The following MSH6 variants were observed in gnomAD, a reference collection of about 807,000 sequenced individuals.
MSH6 encodes the protein mutS homolog 6.
A neutral mutation model predicts 119.1 loss-of-function variants in MSH6; 85 were observed. That is an observed-to-expected ratio of 0.71 (90% CI 0.60 to 0.85). MSH6 has a LOEUF of 0.85. Ranked by LOEUF, MSH6 falls within the 40% of genes least tolerant of loss-of-function variation. MSH6 has a pLI of 0.00. For synonymous variants in MSH6, 830 were observed against 586.9 expected (o/e 1.41, Z -5.99); for missense variants, 2,163 against 1,655.3 (o/e 1.31, Z -5.32).
chr2:47,787,227 T>C (rs1668400734), intron 1 of MSH6, among the ~76,000 whole-genome samples: 1 of 152,124 alleles, frequency 6.6e-6, no homozygotes, highest in Non-Finnish European at 1.5e-5. Flanking sequence ...AGGTTGAGGC[T>C]GCAGTAAGCC....
At chr2:47,786,648 C>G (rs1668369892) in intron 1 of MSH6, among the ~76,000 whole-genome samples, 2 of 152,084 alleles carry the variant, frequency 1.3e-5, no homozygotes, top group South Asian at 2.1e-4. Flanking sequence ...GCCACCGTGT[C>G]TGTCCGAGCA....
intron 7 of MSH6, among the ~76,000 whole-genome samples, chr2:47,805,952 G>C (rs1159442992): frequency 2.6e-5 from 4 of 152,096 alleles, no homozygotes; most frequent in African/African-American, 9.7e-5. Flanking sequence ...TTATACTACG[G>C]GGATGAGAAC....
chr2:47,806,064 A>G (rs1283511755), intron 7 of MSH6, 140 bp from the exon 8 acceptor site: 2 of 837,020 alleles, frequency 2.4e-6, no homozygotes. Context: ...TCGTGTAGCT[A>G]AACAAGGCCT....
chr2:47,784,130 CCACGAGCTGCGAGCGCGGGGGGGTGTGT>C (rs1668199210), intron 1 of MSH6: 1 of 1,004,784 alleles, frequency 1.0e-6, no homozygotes, highest in Non-Finnish European at 1.2e-6. Flanking sequence ...AGGGGGTGGG[CCACGAGCTGCGAGCGCGGGGGGGTGTGT>C]CACCATGGGG....
rs571690662 is a variant in MSH6, at chr2:47,788,662, C to T, written c.261-2265C>T. Among the ~76,000 whole-genome samples the T allele has an allele frequency of 1.2e-4, 18 of 148,408 alleles. No individual in the cohort carries two copies. The South Asian group carries it at 3.6e-3, about 30-fold the overall frequency. On this transcript the variant is annotated intron_variant, in intron 1 of 9. Transcript: ENST00000234420. ...TGGGCTCACTGCAACCTCCACCTCC[C>T]GGGTTCAAGGGAGTCTCCTGCTTCA...
chr2:47,802,315 T>C (rs1332605433), intron 4 of MSH6, among the ~76,000 whole-genome samples: 2 of 152,166 alleles, frequency 1.3e-5, no homozygotes, highest in Non-Finnish European at 1.5e-5. Context: ...TGCTGTTTTA[T>C]AGTTTAGGTT....
At position 47,806,816 on chromosome 2, in the gene MSH6, G is replaced by T; in HGVS notation, c.4039G>T (p.Ala1347Ser). Reference protein sequence around the residue: ...CLASERSTVDAEAVHKLLTLI... With the variant: ...CLASERSTVDSEAVHKLLTLI... ...GGCTAGTGAAAGGTCAACTGTAGAT[G>T]CTGAAGCTGTCCATAAATTGCTGAC... The change falls in exon 10 of 10, where the codon GCT (alanine) becomes TCT (serine). Residue 1347 changes from alanine to serine, a missense_variant. By Grantham distance (99) the Ala-to-Ser change is moderately conservative. Coordinates refer to ENST00000234420, the MANE Select transcript of MSH6 (RefSeq NM_000179.3). The T allele has an allele frequency of 1.9e-6, 3 of 1,609,366 alleles. No homozygotes were observed. The highest frequency in any genetic ancestry group is 2.5e-6 in the Non-Finnish European group (3 of 1,178,582).
downstream of MSH6, chr2:47,809,106 A>T: frequency 8.4e-7 from 1 of 1,197,148 alleles, no homozygotes; most frequent in Non-Finnish European, 1.2e-6. Context: ...TGCTAATTTA[A>T]AAAGGAAATC....
Position 47,801,011 on chromosome 2 carries a change from A to T in MSH6, c.3028A>T (p.Thr1010Ser), listed in dbSNP as rs1553414407. The T allele has an allele frequency of 6.4e-7, 1 of 1,571,410 alleles. No individual in the cohort carries two copies. Among genetic ancestry groups the T allele is most frequent in the Non-Finnish European group, 8.6e-7 (1 of 1,160,446 alleles). Residue 1010 changes from threonine to serine, a missense_variant, in exon 4 of 10, where the codon ACT becomes TCT. Transcript: ENST00000234420. ...KKGCKRYWTKTIEKKLANLIN... is the reference protein window; with the variant it reads ...KKGCKRYWTKSIEKKLANLIN... Reference sequence around the variant, plus strand: ...GGGCTGTAAACGATACTGGACCAAAACTATTGAAAAGAAGTTGGCTAATCT... The same window carrying T: ...GGGCTGTAAACGATACTGGACCAAATCTATTGAAAAGAAGTTGGCTAATCT...
At chr2:47,808,662 C>A (rs557610849), downstream of MSH6, 63 of 412,122 alleles carry the variant, frequency 1.5e-4, no homozygotes, top group Non-Finnish European at 2.4e-4. Flanking sequence ...GCAGTTCTTT[C>A]CACTTTAAAA....
intron 5 of MSH6, 117 bp from the exon 6 acceptor site, chr2:47,804,793 T>A: frequency 1.2e-6 from 1 of 801,900 alleles, no homozygotes; most frequent in Non-Finnish European, 2.2e-6. Context: ...AACGTACATG[T>A]GATTGTGAAA....
intron 1 of MSH6, among the ~76,000 whole-genome samples, chr2:47,787,555 A>G (rs1057060160): frequency 6.6e-6 from 1 of 152,080 alleles, no homozygotes. Flanking sequence ...GACATTTAAG[A>G]CTCACTTAAA....
chr2:47,794,752 T>C (rs1233736418), intron 2 of MSH6, among the ~76,000 whole-genome samples: 1 of 152,150 alleles, frequency 6.6e-6, no homozygotes, highest in Admixed American at 6.6e-5. Context: ...ATATTTAATA[T>C]CATAGCTGCA....
Position 47,799,432 on chromosome 2 carries a change from G to T in MSH6, c.1449G>T (p.Val483=), listed in dbSNP as rs35590297. The change falls in exon 4 of 10, where the codon GTG becomes GTT. Residue 483 remains valine (V), a synonymous_variant. Coordinates refer to ENST00000234420, the MANE Select transcript of MSH6 (RefSeq NM_000179.3). ...AGAAGGGCTATAAAGTAGCACGAGT[G>T]GAACAGACTGAGACTCCAGAAATGA... ...LVQKGYKVAR[V]EQTETPEMME... 680 of 1,614,142 alleles carry T rather than the reference G, an allele frequency of 4.2e-4. No homozygotes were observed. The highest frequency in any genetic ancestry group is 5.4e-4 in the Non-Finnish European group (632 of 1,180,026).
chr2:47,803,834 A>C, intron 5 of MSH6, 149 bp downstream of exon 5: 2 of 829,214 alleles, frequency 2.4e-6, no homozygotes, highest in South Asian at 3.3e-5. Context: ...GTGTTATAAA[A>C]TTGAGAATTA....
At chr2:47,805,515 A>G in intron 6 of MSH6, 103 bp from the exon 7 acceptor site, 1 of 837,600 alleles carries the variant, frequency 1.2e-6, no homozygotes, top group Non-Finnish European at 2.1e-6. Flanking sequence ...TTAATCTTTT[A>G]TACCAATATG....
chr2:47,804,814 A>T, intron 5 of MSH6, 96 bp from the exon 6 acceptor site: 1 of 899,638 alleles, frequency 1.1e-6, no homozygotes, highest in Non-Finnish European at 1.9e-6. Flanking sequence ...GTTGTTTTAG[A>T]GTGCCTAGCT....
chr2:47,790,975 C>T lies in MSH6; in HGVS notation c.309C>T (p.Tyr103=), dbSNP rs1553410230. The T allele has an allele frequency of 6.2e-7, 1 of 1,614,210 alleles. No homozygotes were observed. Residue 103 remains tyrosine (Y), a synonymous_variant, in exon 2 of 10, where the codon TAC becomes TAT. Transcript: ENST00000234420. ...TGGTTTGGGCCAAGATGGAGGGTTACCCCTGGTGGCCTTGTCTGGTTTACA... is the reference window on the plus strand; with the variant it reads ...TGGTTTGGGCCAAGATGGAGGGTTATCCCTGGTGGCCTTGTCTGGTTTACA... ...GDLVWAKMEG[Y]PWWPCLVYNH... is the part of the protein sequence containing the mutation.
intron 1 of MSH6, among the ~76,000 whole-genome samples, chr2:47,790,171 C>A (rs569776659): frequency 6.6e-6 from 1 of 152,142 alleles, no homozygotes; most frequent in Non-Finnish European, 1.5e-5. Flanking sequence ...CCTGTAATCC[C>A]AGCACTTTGA....
Sources: allele counts gnomAD v4.1 joint callset (sites outside exome capture counted in the v4.1 genomes callset), GRCh38; gene constraint gnomAD v4.1.1; transcripts MANE v1.5; gene names NCBI Gene and HGNC (gene_info 2026-07-23, HGNC 2026-07-21).